Variants in BABAM2 observed in about 807,000 individuals in gnomAD.
BABAM2 encodes the protein BRISC and BRCA1-A complex member 2.
A neutral mutation model predicts 54.7 loss-of-function variants in BABAM2; 31 were observed. That is an observed-to-expected ratio of 0.57 (90% CI 0.43 to 0.77). The LOEUF is 0.77. Among genes scored for constraint, BABAM2 ranks in the 30% least tolerant of loss-of-function variants. The probability of loss-of-function intolerance (pLI) is 0.00; values close to 1 mark genes in which losing one functional copy is unlikely to be tolerated. For missense variants in BABAM2, 364 were observed against 455.8 expected (o/e 0.80, Z 1.83); for synonymous variants, 167 against 162.9 (o/e 1.03, Z -0.19).
intron 5 of BABAM2, among the ~76,000 whole-genome samples, chr2:28,028,104 T>G (rs1396469103): frequency 6.6e-6 from 1 of 151,908 alleles, no homozygotes; most frequent in Non-Finnish European, 1.5e-5. Context: ...GGAGATGGAG[T>G]CATTATAAAT....
chr2:28,168,302 T>C (rs1673934095), intron 7 of BABAM2, among the ~76,000 whole-genome samples: 1 of 152,226 alleles, frequency 6.6e-6, no homozygotes, highest in Non-Finnish European at 1.5e-5. Flanking sequence ...GTTGTCCAAA[T>C]TGAATAATTC....
chr2:27,977,399 C>A lies in BABAM2; in HGVS notation c.206-10594C>A, dbSNP rs182161053. Among the ~76,000 whole-genome samples the A allele has an allele frequency of 7.2e-5, 11 of 151,988 alleles. No individual in the cohort carries two copies. In the East Asian group the frequency reaches 2.1e-3, roughly 29 times the overall value. On this transcript the variant is annotated intron_variant, in intron 3 of 11. Coordinates refer to ENST00000379624, the MANE Select transcript of BABAM2 (RefSeq NM_199191.3). Reference sequence around the variant, plus strand: ...ATGGACTTTAAATAGGTAAATCTAGCGATACTGAAATATAATACAGATAAA... The same window carrying A: ...ATGGACTTTAAATAGGTAAATCTAGAGATACTGAAATATAATACAGATAAA...
intron 11 of BABAM2, among the ~76,000 whole-genome samples, chr2:28,328,167 G>A (rs548576695): frequency 3.3e-5 from 5 of 152,224 alleles, no homozygotes; most frequent in African/African-American, 7.2e-5. Context: ...CCTTTGACAC[G>A]AGGCGAGTAA....
chr2:28,094,907 C>CTT (rs202097046), intron 6 of BABAM2, among the ~76,000 whole-genome samples: 15 of 130,646 alleles, frequency 1.1e-4, no homozygotes, highest in East Asian at 2.2e-4. Context: ...GCTCCCTCTT[C>CTT]TTTTTTTTTT....
intron 7 of BABAM2, among the ~76,000 whole-genome samples, chr2:28,133,977 G>A (rs978831637): frequency 1.3e-5 from 2 of 152,134 alleles, no homozygotes; most frequent in Non-Finnish European, 2.9e-5. Context: ...ACGCCCTTAC[G>A]ATGCTTAGAT....
chr2:27,889,428 C>G (rs926012325), upstream of BABAM2, among the ~76,000 whole-genome samples: 85 of 152,250 alleles, frequency 5.6e-4, 2 homozygotes, highest in African/African-American at 2.0e-3. Flanking sequence ...AAAGACTGAA[C>G]TGCAGTAATT....
chr2:28,284,036 G>A (rs1266498878), intron 10 of BABAM2, among the ~76,000 whole-genome samples: 1 of 152,072 alleles, frequency 6.6e-6, no homozygotes, highest in Non-Finnish European at 1.5e-5. Context: ...TTTAAATTTG[G>A]ATGTACAAGT....
intron 3 of BABAM2, among the ~76,000 whole-genome samples, chr2:27,967,268 C>G (rs535164009): frequency 1.3e-5 from 2 of 152,238 alleles, no homozygotes; most frequent in South Asian, 4.1e-4. Context: ...GGGGGTATGT[C>G]TTTGCCATGC....
chr2:28,046,182 C>G (rs192035211), intron 6 of BABAM2, among the ~76,000 whole-genome samples: 1 of 152,172 alleles, frequency 6.6e-6, no homozygotes, highest in Non-Finnish European at 1.5e-5. Context: ...TGGCCGGGCG[C>G]GGTGGCTCAT....
chr2:28,130,271 C>T (rs1465341445), intron 7 of BABAM2, among the ~76,000 whole-genome samples: 2 of 152,156 alleles, frequency 1.3e-5, no homozygotes, highest in Non-Finnish European at 2.9e-5. Flanking sequence ...TTACCCCTTC[C>T]GACCTTAGTT....
At chr2:28,109,184 CTT>C (rs764380110) in intron 6 of BABAM2, among the ~76,000 whole-genome samples, 5 of 101,890 alleles carry the variant, frequency 4.9e-5, no homozygotes, top group Non-Finnish European at 6.1e-5. Context: ...GACACATACT[CTT>C]TTTTTTTTTT....
intron 3 of BABAM2, among the ~76,000 whole-genome samples, chr2:27,948,227 C>T (rs1209187420): frequency 6.7e-6 from 1 of 150,362 alleles, no homozygotes; most frequent in Non-Finnish European, 1.5e-5. Flanking sequence ...TTTTTAAATT[C>T]TAAATTTCTG....
intron 7 of BABAM2, among the ~76,000 whole-genome samples, chr2:28,147,856 G>A (rs188781541): frequency 5.3e-5 from 8 of 152,278 alleles, no homozygotes; most frequent in Admixed American, 3.3e-4. Flanking sequence ...ATGGTCCAGT[G>A]CATTCTTGGA....
chr2:28,074,572 G>A (rs536120795), intron 6 of BABAM2, among the ~76,000 whole-genome samples: 1 of 152,092 alleles, frequency 6.6e-6, no homozygotes, highest in African/African-American at 2.4e-5. Context: ...AATAAAACAG[G>A]GTTTTTACTT....
intron 10 of BABAM2, among the ~76,000 whole-genome samples, chr2:28,254,007 T>A (rs1208521708): frequency 6.6e-6 from 1 of 152,220 alleles, no homozygotes; most frequent in Non-Finnish European, 1.5e-5. Context: ...ACCAAAAACG[T>A]GATTTAACCT....
intron 7 of BABAM2, among the ~76,000 whole-genome samples, chr2:28,226,222 T>C (rs533948399): frequency 2.6e-5 from 4 of 152,220 alleles, no homozygotes; most frequent in South Asian, 2.1e-4. Flanking sequence ...ACAGGCATTA[T>C]GGATGCAAAG....
chr2:28,331,650 T>C (rs1204856234), intron 11 of BABAM2, among the ~76,000 whole-genome samples: 1 of 152,092 alleles, frequency 6.6e-6, no homozygotes, highest in Non-Finnish European at 1.5e-5. Context: ...TGGCGATTAT[T>C]AAAAAGTCAA....
chr2:28,127,819 T>A (rs1475127445), intron 6 of BABAM2, among the ~76,000 whole-genome samples: 1 of 151,258 alleles, frequency 6.6e-6, no homozygotes, highest in Non-Finnish European at 1.5e-5. Context: ...TTTTTTTTTT[T>A]TTTTTGAGGT....
chr2:28,290,320 T>C (rs369627365), intron 10 of BABAM2, among the ~76,000 whole-genome samples: 1 of 152,150 alleles, frequency 6.6e-6, no homozygotes, highest in East Asian at 1.9e-4. Context: ...TACACACATG[T>C]GGTAGTTTCT....
Sources: gnomAD v4.1 joint callset for allele counts (sites outside exome capture counted in the v4.1 genomes callset) on GRCh38, gnomAD v4.1.1 for gene constraint, MANE v1.5 for transcripts, NCBI Gene and HGNC (gene_info 2026-07-23, HGNC 2026-07-21) for gene names.